Variants in KCNK10 observed in about 807,000 individuals in gnomAD.
KCNK10 encodes potassium two pore domain channel subfamily K member 10.
A neutral mutation model predicts 47.7 loss-of-function variants in KCNK10; 25 were observed. That is an observed-to-expected ratio of 0.52 (90% CI 0.38 to 0.73). The LOEUF (loss-of-function observed/expected upper bound fraction) is 0.73, where lower values mean the gene tolerates loss of function less well. Among genes scored for constraint, KCNK10 ranks in the 30% least tolerant of loss-of-function variants. The probability of loss-of-function intolerance (pLI) is 0.00; values close to 1 mark genes in which losing one functional copy is unlikely to be tolerated. For missense variants in KCNK10, 563 were observed against 714.5 expected, an observed-to-expected ratio of 0.79 and a Z score of 2.42; for synonymous variants, 303 against 285.6, an observed-to-expected ratio of 1.06 and a Z score of -0.61.
intron 4 of KCNK10, among the ~76,000 whole-genome samples, chr14:88,209,156 G>A (rs895711369): frequency 6.6e-6 from 1 of 152,138 alleles, no homozygotes; most frequent in Non-Finnish European, 1.5e-5. Flanking sequence ...GTATTTGAAG[G>A]GCCAGGCTTC....
intron 4 of KCNK10, among the ~76,000 whole-genome samples, chr14:88,205,210 T>C (rs1469560796): frequency 2.6e-5 from 4 of 152,272 alleles, no homozygotes; most frequent in Non-Finnish European, 5.9e-5. Flanking sequence ...CATCTTCTCA[T>C]GGCTTCATAG....
chr14:88,279,089 C>G (rs1430102259), intron 1 of KCNK10, among the ~76,000 whole-genome samples: 1 of 152,156 alleles, frequency 6.6e-6, no homozygotes, highest in Admixed American at 6.5e-5. Flanking sequence ...AGTTGTACCA[C>G]AGGTACCAGG....
intron 1 of KCNK10, among the ~76,000 whole-genome samples, chr14:88,264,716 A>G (rs907859374): frequency 6.6e-6 from 1 of 152,230 alleles, no homozygotes; most frequent in African/African-American, 2.4e-5. Flanking sequence ...ATATTATCCA[A>G]TCCAATAAAA....
rs147448522 is a variant in KCNK10 at position 88,193,159 on chromosome 14, C to T, written c.682-749G>A. On this transcript the variant is annotated intron_variant, in intron 4 of 6. Coordinates refer to ENST00000319231, the MANE Select transcript of KCNK10 (RefSeq NM_138317.3). ...GTCCCCGTCTAAATGGGTAGTAGGA[C>T]GACAATTAGATGGACTTAATGATCT... 6.4e-3 allele frequency among the ~76,000 whole-genome samples: 982 copies of T among 152,260 alleles called. 33 individuals carry two copies. Among genetic ancestry groups the T allele is most frequent in the Admixed American group, 0.044 (678 of 15,288 alleles).
intron 4 of KCNK10, among the ~76,000 whole-genome samples, chr14:88,227,140 T>C (rs1886012427): frequency 6.6e-6 from 1 of 152,240 alleles, no homozygotes; most frequent in Non-Finnish European, 1.5e-5. Context: ...AATCCATACT[T>C]AACCCTCTTG....
chr14:88,251,494 C>T (rs767884622), intron 2 of KCNK10, among the ~76,000 whole-genome samples: 1 of 152,078 alleles, frequency 6.6e-6, no homozygotes, highest in Non-Finnish European at 1.5e-5. Context: ...AAGGCTTCCC[C>T]CAAGAGTTGA....
rs1888246650 is a variant in KCNK10, at chr14:88,308,527, T to C, written c.52+14220A>G. On this transcript the variant is annotated intron_variant, in intron 1 of 6. Coordinates refer to ENST00000319231, the MANE Select transcript of KCNK10 (RefSeq NM_138317.3). Reference sequence around the variant, plus strand: ...ATTTAGACACTTTGGAAATCACGTGTAGCAAAAAGTTACTATCTGCTAGAG... The same window carrying C: ...ATTTAGACACTTTGGAAATCACGTGCAGCAAAAAGTTACTATCTGCTAGAG... 3.3e-5 allele frequency among the ~76,000 whole-genome samples: 5 copies of C among 152,250 alleles called. No homozygotes were observed. In the South Asian group the frequency reaches 1.0e-3, roughly 31 times the overall value.
chr14:88,206,253 T>A (rs1301064982), intron 4 of KCNK10, among the ~76,000 whole-genome samples: 2 of 152,184 alleles, frequency 1.3e-5, no homozygotes, highest in African/African-American at 4.8e-5. Context: ...CTAAACTTGT[T>A]AGGGTGTTTG....
In KCNK10 at chr14:88,187,981, T is replaced by C. The variant is rs780796041; in HGVS notation, c.997A>G (p.Lys333Glu). 6.2e-7 allele frequency: 1 copy of C among 1,614,144 alleles called. No individual in the cohort carries two copies. The highest frequency in any genetic ancestry group is 8.5e-7 in the Non-Finnish European group (1 of 1,180,030). ...AGGGGTCCTACCTCTTCTTTTGTCT[T>C]TTTGGACAGAACCCGTAGCCAATCT... is the stretch of plus-strand genomic sequence containing the variant. ...IGDWLRVLSK[K>E]TKEEVGEIKA... is the part of the protein sequence containing the mutation. The change falls in exon 6 of 7, where the codon AAG becomes GAG. Residue 333 changes from lysine (K) to glutamate (E), a missense_variant. Transcript: ENST00000319231.
At chr14:88,316,360 T>C (rs1445372310) in intron 1 of KCNK10, among the ~76,000 whole-genome samples, 2 of 151,980 alleles carry the variant, frequency 1.3e-5, no homozygotes, top group Non-Finnish European at 2.9e-5. Flanking sequence ...AAATGACAAA[T>C]AGATGTTCTA....
At chr14:88,320,040 G>A (rs1358712582) in intron 1 of KCNK10, among the ~76,000 whole-genome samples, 1 of 152,066 alleles carries the variant, frequency 6.6e-6, no homozygotes, top group Admixed American at 6.6e-5. Context: ...CCATCCCCTG[G>A]CTAGAAAAAG....
intron 4 of KCNK10, among the ~76,000 whole-genome samples, chr14:88,206,139 C>G (rs374516334): frequency 1.4e-4 from 22 of 152,060 alleles, no homozygotes; most frequent in African/African-American, 5.1e-4. Context: ...GCCATTTTCA[C>G]GAGAATAGAA....
At chr14:88,310,843 C>G (rs1888314286) in intron 1 of KCNK10, among the ~76,000 whole-genome samples, 1 of 152,086 alleles carries the variant, frequency 6.6e-6, no homozygotes, top group Non-Finnish European at 1.5e-5. Flanking sequence ...TTATCAGGAG[C>G]ATTATGCTGA....
At chr14:88,258,745 T>C (rs1887029554) in intron 2 of KCNK10, among the ~76,000 whole-genome samples, 1 of 152,180 alleles carries the variant, frequency 6.6e-6, no homozygotes, top group South Asian at 2.1e-4. Flanking sequence ...CCATCTTTCT[T>C]CACCTTTAGG....
At chr14:88,280,236 G>A (rs1003157920) in intron 1 of KCNK10, among the ~76,000 whole-genome samples, 12 of 152,078 alleles carry the variant, frequency 7.9e-5, no homozygotes, top group African/African-American at 2.7e-4. Context: ...GCAATATTCT[G>A]CACAGGAGAA....
intron 4 of KCNK10, among the ~76,000 whole-genome samples, chr14:88,200,016 CTCT>C (rs929449040): frequency 1.3e-5 from 2 of 148,650 alleles, no homozygotes; most frequent in Admixed American, 1.3e-4. Flanking sequence ...TTCCTTCTTT[CTCT>C]TCTTTCCTTC....
chr14:88,281,654 C>T (rs1467867776), intron 1 of KCNK10, among the ~76,000 whole-genome samples: 1 of 151,694 alleles, frequency 6.6e-6, no homozygotes, highest in African/African-American at 2.4e-5. Context: ...GCTGACTCAC[C>T]TGCAGATCTT....
chr14:88,211,673 G>A (rs1206468049), intron 4 of KCNK10, among the ~76,000 whole-genome samples: 1 of 151,976 alleles, frequency 6.6e-6, no homozygotes, highest in African/African-American at 2.4e-5. Flanking sequence ...CGAGGCAGGT[G>A]GATCATGAGG....
At chr14:88,256,676 TTC>T (rs1171626538) in intron 2 of KCNK10, among the ~76,000 whole-genome samples, 1 of 152,170 alleles carries the variant, frequency 6.6e-6, no homozygotes, top group African/African-American at 2.4e-5. Flanking sequence ...AATAAAATTT[TTC>T]TATGAGAAAA....
Sources: gnomAD v4.1 joint callset for allele counts (sites outside exome capture counted in the v4.1 genomes callset) on GRCh38, gnomAD v4.1.1 for gene constraint, MANE v1.5 for transcripts, NCBI Gene and HGNC (gene_info 2026-07-23, HGNC 2026-07-21) for gene names.